MARCHF8: variants seen among roughly 807,000 people sequenced by gnomAD.
MARCHF8 encodes membrane associated ring-CH-type finger 8, also known as E3 ubiquitin-protein ligase MARCHF8.
A neutral mutation model predicts 51.6 loss-of-function variants in MARCHF8; 40 were observed. That is an observed-to-expected ratio of 0.77 (90% CI 0.60 to 1.01). The LOEUF is 1.01. MARCHF8 is among the 50% of genes least tolerant of loss of function. The pLI, the probability that MARCHF8 is intolerant of heterozygous loss-of-function variation, is 0.00. For synonymous variants in MARCHF8, 263 were observed against 280.3 expected (o/e 0.94, Z 0.62); for missense variants, 685 against 708.6 (o/e 0.97, Z 0.38).
chr10:45,576,974 G>GAAAAAAA (rs58593536), intron 1 of MARCHF8, among the ~76,000 whole-genome samples: 16 of 120,384 alleles, frequency 1.3e-4, no homozygotes, highest in East Asian at 2.9e-4. Context: ...AAAGAGAAAA[G>GAAAAAAA]AAAAAAAAAA....
intron 1 of MARCHF8, among the ~76,000 whole-genome samples, chr10:45,570,897 A>C (rs1245769485): frequency 6.6e-6 from 1 of 152,224 alleles, no homozygotes; most frequent in East Asian, 1.9e-4. Context: ...GAAGCCCCAT[A>C]TACTGAAAAC....
intron 1 of MARCHF8, among the ~76,000 whole-genome samples, chr10:45,543,407 G>C (rs533466909): frequency 4.6e-5 from 7 of 152,230 alleles, no homozygotes; most frequent in African/African-American, 1.7e-4. Context: ...AGACTTTATT[G>C]AATTTAAAAC....
intron 1 of MARCHF8, among the ~76,000 whole-genome samples, chr10:45,557,762 C>CG (rs955516667): frequency 5.3e-4 from 80 of 152,260 alleles, no homozygotes; most frequent in African/African-American, 1.9e-3. Flanking sequence ...CAGAAGGACT[C>CG]ATTCCATGTC....
At chr10:45,464,044 TAA>T in intron 4 of MARCHF8, 48 bp from the exon 5 acceptor site, 1 of 1,503,902 alleles carries the variant, frequency 6.6e-7, no homozygotes, top group South Asian at 1.3e-5. Context: ...AAAACAATTT[TAA>T]AAGAGAATAG....
At chr10:45,515,828 CA>C (rs2043609337) in intron 2 of MARCHF8, among the ~76,000 whole-genome samples, 1 of 152,222 alleles carries the variant, frequency 6.6e-6, no homozygotes, top group Non-Finnish European at 1.5e-5. Context: ...TTTCTGCAGG[CA>C]TGCTGCGGAG....
At chr10:45,469,056 C>T (rs1424251246) in intron 3 of MARCHF8, among the ~76,000 whole-genome samples, 2 of 152,062 alleles carry the variant, frequency 1.3e-5, no homozygotes, top group Admixed American at 6.5e-5. Context: ...ATGCCCATCA[C>T]CTTGGAGCTG....
At chr10:45,593,469 C>A (rs1037165117) in intron 1 of MARCHF8, 1 of 152,202 alleles carries the variant, frequency 6.6e-6, no homozygotes, top group African/African-American at 2.4e-5. Flanking sequence ...AGATTTCACA[C>A]AAGAGCATGT....
chr10:45,511,753 C>T (rs1399242145), intron 2 of MARCHF8, among the ~76,000 whole-genome samples: 5 of 152,044 alleles, frequency 3.3e-5, no homozygotes, highest in East Asian at 3.9e-4. Context: ...GATCTCGGCT[C>T]GCTACAACCT....
chr10:45,481,959 T>C (rs1047462357), intron 3 of MARCHF8, among the ~76,000 whole-genome samples: 10 of 152,118 alleles, frequency 6.6e-5, no homozygotes, highest in African/African-American at 2.2e-4. Flanking sequence ...TCTGATAAAT[T>C]TGGAAAAGTT....
intron 2 of MARCHF8, among the ~76,000 whole-genome samples, chr10:45,513,013 A>T (rs1466190613): frequency 6.6e-6 from 1 of 151,380 alleles, no homozygotes; most frequent in Non-Finnish European, 1.5e-5. Context: ...TGTTAAACAG[A>T]TGCTTGAAGG....
At chr10:45,526,605 G>A (rs1192500837) in intron 2 of MARCHF8, among the ~76,000 whole-genome samples, 1 of 151,956 alleles carries the variant, frequency 6.6e-6, no homozygotes, top group Non-Finnish European at 1.5e-5. Context: ...GCAGAATAGT[G>A]AGCCAAATAA....
At chr10:45,522,592 A>C (rs1488869062) in intron 2 of MARCHF8, among the ~76,000 whole-genome samples, 2 of 152,180 alleles carry the variant, frequency 1.3e-5, no homozygotes, top group African/African-American at 2.4e-5. Flanking sequence ...TACCTTAATC[A>C]TCCTAAGCCT....
chr10:45,531,883 G>A (rs532198108), intron 2 of MARCHF8, among the ~76,000 whole-genome samples: 23 of 152,266 alleles, frequency 1.5e-4, no homozygotes, highest in African/African-American at 5.5e-4. Flanking sequence ...AGGAAAAACT[G>A]CATAAATAAA....
exon 1 of MARCHF8, chr10:45,594,243 T>C (rs1027089383): frequency 2.6e-5 from 4 of 152,246 alleles, no homozygotes; most frequent in Non-Finnish European, 5.9e-5. Context: ...ACCTATGCTT[T>C]CCTTCTGGCA....
At chr10:45,516,081 G>A (rs550500025) in intron 2 of MARCHF8, among the ~76,000 whole-genome samples, 5 of 152,158 alleles carry the variant, frequency 3.3e-5, no homozygotes, top group Non-Finnish European at 7.4e-5. Flanking sequence ...CCATGAATGA[G>A]AGGATAAGAG....
intron 3 of MARCHF8, among the ~76,000 whole-genome samples, chr10:45,469,198 G>A (rs1843076186): frequency 6.6e-6 from 1 of 152,076 alleles, no homozygotes; most frequent in African/African-American, 2.4e-5. Context: ...ATCTGTGCTG[G>A]TGCTGCACAG....
chr10:45,486,270 T>C (rs2042977307), intron 3 of MARCHF8, among the ~76,000 whole-genome samples: 1 of 152,056 alleles, frequency 6.6e-6, no homozygotes, highest in South Asian at 2.1e-4. Context: ...ACAGTAAAAA[T>C]GTATTCAAGA....
intron 2 of MARCHF8, among the ~76,000 whole-genome samples, chr10:45,512,636 TC>T (rs1006182257): frequency 1.4e-4 from 20 of 148,054 alleles, no homozygotes; most frequent in Middle Eastern, 3.5e-3. Flanking sequence ...AGCCGCCCCG[TC>T]CGGGAGGTGA....
chr10:45,495,803 TGGGGA>T (rs1467018508), intron 2 of MARCHF8, among the ~76,000 whole-genome samples: 2 of 70,298 alleles, frequency 2.8e-5, no homozygotes, highest in African/African-American at 1.1e-4. Context: ...GGCAGGAAGG[TGGGGA>T]GGGGAGAAAG....
Sources: gnomAD v4.1 joint callset for allele counts (sites outside exome capture counted in the v4.1 genomes callset) on GRCh38, gnomAD v4.1.1 for gene constraint, MANE v1.5 for transcripts, NCBI Gene and HGNC (gene_info 2026-07-23, HGNC 2026-07-21) for gene names.